Variants in PEX14 observed in about 807,000 individuals in gnomAD.
PEX14 encodes the protein peroxisomal membrane protein PEX14.
In PEX14, 15 loss-of-function variants were observed where a neutral mutation model predicts 49.5. The ratio of observed to expected loss-of-function variants is 0.30; its 90% CI spans 0.20 to 0.47. The LOEUF (loss-of-function observed/expected upper bound fraction) is 0.47, where lower values mean the gene tolerates loss of function less well. Among genes scored for constraint, PEX14 ranks in the 20% least tolerant of loss-of-function variants. The pLI is 1.00. For missense variants in PEX14, 398 were observed against 494.8 expected, an observed-to-expected ratio of 0.80 and a Z score of 1.86; for synonymous variants, 210 against 212.7, an observed-to-expected ratio of 0.99 and a Z score of 0.11.
At chr1:10,500,735 C>T (rs1012560096) in intron 2 of PEX14, among the ~76,000 whole-genome samples, 7 of 152,100 alleles carry the variant, frequency 4.6e-5, no homozygotes, top group Admixed American at 1.3e-4. Flanking sequence ...CCACCACGGC[C>T]AGCTAATTTT....
Position 10,580,435 on chromosome 1 carries a change from G to C in PEX14, c.170-18803G>C, listed in dbSNP as rs138705919. Among the ~76,000 whole-genome samples, 997 of 152,174 alleles carry C rather than the reference G, an allele frequency of 6.6e-3. 13 individuals carry two copies. Among genetic ancestry groups the C allele is most frequent in the African/African-American group, 0.023 (948 of 41,526 alleles). On this transcript the variant is annotated intron_variant, in intron 3 of 8. Coordinates refer to ENST00000356607, the MANE Select transcript of PEX14 (RefSeq NM_004565.3). The stretch of plus-strand genomic sequence containing the variant: ...AGACAGAGTTTCACCATGTTGCCCA[G>C]GCTGGTCTCGAACTCCTGAGCTCAG...
intron 7 of PEX14, among the ~76,000 whole-genome samples, chr1:10,626,693 C>G (rs1241532255): frequency 6.6e-6 from 1 of 152,234 alleles, no homozygotes; most frequent in Non-Finnish European, 1.5e-5. Context: ...CGAGGTAGAC[C>G]TCACACGGAG....
chr1:10,481,068 A>G (rs1315159280), intron 1 of PEX14, among the ~76,000 whole-genome samples: 1 of 152,038 alleles, frequency 6.6e-6, no homozygotes, highest in Non-Finnish European at 1.5e-5. Flanking sequence ...CTTAAAAAAA[A>G]TCAGAATCTA....
chr1:10,523,852 A>G (rs1048074211), intron 2 of PEX14, among the ~76,000 whole-genome samples: 1 of 151,690 alleles, frequency 6.6e-6, no homozygotes, highest in Non-Finnish European at 1.5e-5. Flanking sequence ...AAAAAATCCA[A>G]GAGAGCATTT....
intron 1 of PEX14, among the ~76,000 whole-genome samples, chr1:10,475,741 G>A (rs774178618): frequency 2.0e-5 from 3 of 152,188 alleles, no homozygotes; most frequent in Non-Finnish European, 4.4e-5. Flanking sequence ...GGATGATAAG[G>A]TCTCCGAAGG....
At chr1:10,624,083 GA>G (rs1557437659) in intron 6 of PEX14, among the ~76,000 whole-genome samples, 1 of 152,198 alleles carries the variant, frequency 6.6e-6, no homozygotes, top group East Asian at 1.9e-4. Flanking sequence ...AATTAGAGGG[GA>G]GAGGTTCTGG....
chr1:10,538,052 G>A (rs1570232671), intron 3 of PEX14, among the ~76,000 whole-genome samples: 1 of 152,370 alleles, frequency 6.6e-6, no homozygotes, highest in East Asian at 1.9e-4. Flanking sequence ...GAATTTAGCA[G>A]AGAACCGAAC....
intron 4 of PEX14, among the ~76,000 whole-genome samples, chr1:10,610,643 G>A (rs1228212071): frequency 6.6e-6 from 1 of 151,874 alleles, no homozygotes; most frequent in Non-Finnish European, 1.5e-5. Flanking sequence ...GCGCTACCAC[G>A]CCTGGATAAT....
At chr1:10,591,655 G>GTGTA (rs1416466365) in intron 3 of PEX14, among the ~76,000 whole-genome samples, 2 of 151,702 alleles carry the variant, frequency 1.3e-5, no homozygotes, top group Admixed American at 1.3e-4. Context: ...GTGTGTGTGT[G>GTGTA]TGTGTGTGTG....
intron 2 of PEX14, among the ~76,000 whole-genome samples, chr1:10,520,403 C>T (rs1638249427): frequency 6.6e-6 from 1 of 152,092 alleles, no homozygotes. Flanking sequence ...AAGTGATCCT[C>T]CCACCTTGGC....
chr1:10,504,122 A>G (rs1641737047), intron 2 of PEX14, among the ~76,000 whole-genome samples: 1 of 152,238 alleles, frequency 6.6e-6, no homozygotes, highest in Non-Finnish European at 1.5e-5. Context: ...ATGATCTTGT[A>G]GTTAGTCCCA....
At chr1:10,523,907 G>A (rs1433122664) in intron 2 of PEX14, among the ~76,000 whole-genome samples, 1 of 150,568 alleles carries the variant, frequency 6.6e-6, no homozygotes, top group African/African-American at 2.4e-5. Flanking sequence ...GGGAGTCCTC[G>A]TCAATTTGGG....
At position 10,618,965 on chromosome 1, in the gene PEX14, T is replaced by C. The variant is rs536817046; in HGVS notation, c.384+548T>C. ...ATGCCCGGCACATGGAAGTGCTTTA[T>C]ACACCATTGTTCTGCCACAGCATTT... On this transcript the variant is annotated intron_variant, in intron 5 of 8. Coordinates refer to ENST00000356607, the MANE Select transcript of PEX14 (RefSeq NM_004565.3). Among the ~76,000 whole-genome samples, 3 of 152,362 alleles carry C rather than the reference T, an allele frequency of 2.0e-5. No individual in the cohort carries two copies. In the South Asian group the frequency reaches 6.2e-4, roughly 32 times the overall value.
chr1:10,483,696 C>T (rs1641321280), intron 1 of PEX14, among the ~76,000 whole-genome samples: 1 of 151,702 alleles, frequency 6.6e-6, no homozygotes, highest in African/African-American at 2.4e-5. Flanking sequence ...CTGTGGAATT[C>T]TAATAGGTGT....
chr1:10,510,179 G>A (rs1182240158), intron 2 of PEX14, among the ~76,000 whole-genome samples: 2 of 152,168 alleles, frequency 1.3e-5, no homozygotes, highest in African/African-American at 4.8e-5. Context: ...CGGCTCCCTG[G>A]TTTACAGGTT....
intron 5 of PEX14, among the ~76,000 whole-genome samples, chr1:10,620,269 G>A (rs1357021891): frequency 6.7e-6 from 1 of 149,592 alleles, no homozygotes; most frequent in Non-Finnish European, 1.5e-5. Context: ...GGCCAACATG[G>A]TGAAACTGTG....
At chr1:10,566,757 T>G (rs1403385901) in intron 3 of PEX14, among the ~76,000 whole-genome samples, 1 of 152,116 alleles carries the variant, frequency 6.6e-6, no homozygotes, top group Non-Finnish European at 1.5e-5. Flanking sequence ...CCTCAGGTGA[T>G]CCGCCCGCCT....
intron 1 of PEX14, among the ~76,000 whole-genome samples, chr1:10,482,560 A>G (rs1000028855): frequency 6.6e-6 from 1 of 151,732 alleles, no homozygotes. Flanking sequence ...CAGCCTCCCA[A>G]GTAGCTGGGA....
chr1:10,582,418 A>G (rs1475735491), intron 3 of PEX14, among the ~76,000 whole-genome samples: 3 of 152,234 alleles, frequency 2.0e-5, no homozygotes, highest in Admixed American at 6.5e-5. Context: ...AGAAAACCAT[A>G]TAAGATAAAA....
Sources: allele counts gnomAD v4.1 joint callset (sites outside exome capture counted in the v4.1 genomes callset), GRCh38; gene constraint gnomAD v4.1.1; transcripts MANE v1.5; gene names NCBI Gene and HGNC (gene_info 2026-07-23, HGNC 2026-07-21).